Variants in TRAF2 observed in about 807,000 individuals in gnomAD.
TRAF2 encodes TNF receptor-associated factor 2.
TRAF2 carries 6 observed loss-of-function variants against 55.6 expected under a neutral mutation model. The ratio of observed to expected loss-of-function variants is 0.11; its 90% CI spans 0.06 to 0.21. The LOEUF is 0.21. Ranked by LOEUF, TRAF2 falls within the 10% of genes least tolerant of loss-of-function variation. The pLI is 1.00. For missense variants in TRAF2, 561 were observed against 684.5 expected, an observed-to-expected ratio of 0.82 and a Z score of 2.01; for synonymous variants, 329 against 276.3, an observed-to-expected ratio of 1.19 and a Z score of -1.89.
chr9:136,890,621 G>A (rs1849562746), intron 1 of TRAF2: 1 of 152,204 alleles, frequency 6.6e-6, no homozygotes, highest in Admixed American at 6.5e-5. Flanking sequence ...CTAAAATCTT[G>A]GTGTAGCACT....
Position 136,925,727 on chromosome 9 carries a change from T to C in TRAF2, c.1332T>C (p.Ile444=). The C allele has an allele frequency of 3.1e-6, 5 of 1,614,228 alleles. No individual in the cohort carries two copies. The highest frequency in any genetic ancestry group is 4.2e-6 in the Non-Finnish European group (5 of 1,180,038). ...ACCAGAATAACCGGGAGCACGTGAT[T>C]GACGCCTTCAGGCCCGACGTGACTT... ...LLDQNNREHV[I]DAFRPDVTSS... Residue 444 remains isoleucine (I), a synonymous_variant, in exon 11 of 11, where the codon ATT becomes ATC. Transcript: ENST00000247668.
In TRAF2 at chr9:136,923,755, G is replaced by A. The variant is rs1850455299; in HGVS notation, c.1139-97G>A. ...CCCAGAACCTGAATGTTTCTTTGTA[G>A]GTGTTTTTGTCCCTGGGGGAGGGCA... On this transcript the variant is annotated intron_variant, in intron 9 of 10. Coordinates refer to ENST00000247668, the MANE Select transcript of TRAF2 (RefSeq NM_021138.4). The A allele has an allele frequency of 3.1e-6, 4 of 1,287,020 alleles. No homozygotes were observed. In the Admixed American group the frequency reaches 6.4e-5, roughly 21 times the overall value. The allele number at this position is 1,287,020 out of a possible 1,614,324, so 79.7% of individuals were successfully genotyped here.
At chr9:136,900,357 G>A (rs1849789194) in intron 3 of TRAF2, 65 bp from the exon 4 acceptor site, 16 of 1,205,108 alleles carry the variant, frequency 1.3e-5, no homozygotes, top group Admixed American at 2.3e-5. Flanking sequence ...CGTGTGGTCT[G>A]TGTTCCTTGG....
intron 5 of TRAF2, among the ~76,000 whole-genome samples, chr9:136,908,827 G>GC (rs1478550630): frequency 8.7e-5 from 12 of 137,184 alleles, no homozygotes; most frequent in African/African-American, 3.1e-4. Context: ...CCGAGATTGC[G>GC]CCACTGCACT....
rs868351844 is a variant in TRAF2, at chr9:136,918,270, A to T, written c.678+1655A>T. Among the ~76,000 whole-genome samples, 357 of 118,998 alleles carry T rather than the reference A, an allele frequency of 3.0e-3. 4 individuals are homozygous for T. Among genetic ancestry groups the T allele is most frequent in the African/African-American group, 0.012 (345 of 29,150 alleles). The allele number at this position is 118,998 out of a possible 152,430, so 78.1% of individuals were successfully genotyped here. On this transcript the variant is annotated intron_variant, in intron 7 of 10. Coordinates refer to ENST00000247668, the MANE Select transcript of TRAF2 (RefSeq NM_021138.4). ...ATATATATATATATTTATTTAATTA[A>T]TTAATTTATTTATTTTTGAGGTTGA...
chr9:136,882,880 C>A, upstream of TRAF2: 1 of 355,396 alleles, frequency 2.8e-6, no homozygotes, highest in Non-Finnish European at 3.9e-6. Context: ...TCATCACAAT[C>A]AATATTATTA....
rs554188139 is a variant in TRAF2, at chr9:136,926,343, G to C, written c.*442G>C. 2.9e-6 allele frequency: 1 copy of C among 348,134 alleles called. No individual in the cohort carries two copies. The highest frequency in any genetic ancestry group is 2.1e-5 in the African/African-American group (1 of 46,776). The allele number at this position is 348,134 out of a possible 1,614,324, so 21.6% of individuals were successfully genotyped here. On this transcript the variant is annotated 3_prime_UTR_variant, in exon 11 of 11. Coordinates refer to ENST00000247668, the MANE Select transcript of TRAF2 (RefSeq NM_021138.4). ...GGCTGCTCCAGGAGAAGGGCCTCCT[G>C]CTGGCCAGAGCAAGGAAGGCTGAGC...
intron 1 of TRAF2, among the ~76,000 whole-genome samples, chr9:136,887,255 A>G (rs1177350646): frequency 2.0e-5 from 3 of 152,216 alleles, no homozygotes; most frequent in African/African-American, 4.8e-5. Flanking sequence ...TGTTTGTGGA[A>G]GGTAGAGCCG....
At chr9:136,916,362 T>TGC (rs1244605518) in intron 6 of TRAF2, among the ~76,000 whole-genome samples, 179 bp from the exon 7 acceptor site, 1 of 152,108 alleles carries the variant, frequency 6.6e-6, no homozygotes, top group East Asian at 1.9e-4. Context: ...CACGTGTGTG[T>TGC]GCACAGGTGT....
chr9:136,922,853 A>G, intron 9 of TRAF2, among the ~76,000 whole-genome samples: 1 of 117,968 alleles, frequency 8.5e-6, no homozygotes. Flanking sequence ...GAGGACGAGG[A>G]TGGGGAGGAT....
intron 5 of TRAF2, 64 bp downstream of exon 5, chr9:136,908,295 G>T: frequency 6.8e-7 from 1 of 1,466,760 alleles, no homozygotes; most frequent in East Asian, 2.5e-5. Context: ...GGGGAGCTGC[G>T]TGCTGGCCAC....
intron 9 of TRAF2, among the ~76,000 whole-genome samples, chr9:136,921,956 G>T (rs972728245): frequency 6.6e-6 from 1 of 152,236 alleles, no homozygotes; most frequent in Non-Finnish European, 1.5e-5. Context: ...CCATGGCTCA[G>T]AACACGCCCT....
upstream of TRAF2, among the ~76,000 whole-genome samples, chr9:136,882,364 A>T (rs1355005213): frequency 2.0e-5 from 3 of 152,172 alleles, no homozygotes; most frequent in African/African-American, 7.2e-5. Flanking sequence ...CCCAGTAGGT[A>T]GCTGTGGGGT....
At chr9:136,902,522 C>T (rs1328904316) in intron 4 of TRAF2, 1 of 152,282 alleles carries the variant, frequency 6.6e-6, no homozygotes, top group Non-Finnish European at 1.5e-5. Flanking sequence ...GGACTATAGC[C>T]AGCCCCTGGC....
chr9:136,899,308 G>A (rs373790126), intron 2 of TRAF2, among the ~76,000 whole-genome samples: 3 of 152,176 alleles, frequency 2.0e-5, no homozygotes, highest in Non-Finnish European at 2.9e-5. Context: ...TGTGCACATC[G>A]GCAGCAGCTC....
Position 136,898,761 on chromosome 9 carries a change from C to A in TRAF2, c.21C>A (p.Thr7=). Residue 7 remains threonine, a synonymous_variant, in exon 2 of 11, where the codon ACC becomes ACA. Transcript: ENST00000247668. MAAASV[T]PPGSLELLQP... is the part of the protein sequence containing the mutation. Reference sequence around the variant, plus strand: ...CTCTCATGGCTGCAGCTAGCGTGACCCCCCCTGGCTCCCTGGAGTTGCTAC... The same window carrying A: ...CTCTCATGGCTGCAGCTAGCGTGACACCCCCTGGCTCCCTGGAGTTGCTAC... 6.2e-7 allele frequency: 1 copy of A among 1,613,578 alleles called. No individual in the cohort carries two copies. The highest frequency in any genetic ancestry group is 8.5e-7 in the Non-Finnish European group (1 of 1,180,022).
At chr9:136,903,855 T>C (rs1849882657) in intron 4 of TRAF2, among the ~76,000 whole-genome samples, 1 of 152,118 alleles carries the variant, frequency 6.6e-6, no homozygotes, top group Admixed American at 6.5e-5. Context: ...CTAATTTTTT[T>C]GTATTTTTAG....
intron 7 of TRAF2, 176 bp downstream of exon 7, chr9:136,916,791 CT>C: frequency 3.1e-6 from 2 of 634,984 alleles, no homozygotes; most frequent in Admixed American, 4.6e-5. Context: ...GCTGGCAGCC[CT>C]GTCCACTCCC....
At chr9:136,897,825 C>T (rs1401764177) in intron 1 of TRAF2, among the ~76,000 whole-genome samples, 3 of 126,726 alleles carry the variant, frequency 2.4e-5, no homozygotes, top group Non-Finnish European at 3.3e-5. Context: ...TGGAGGGGAA[C>T]CCGTGGTAGC....
Sources: gnomAD v4.1 joint callset for allele counts (sites outside exome capture counted in the v4.1 genomes callset) on GRCh38, gnomAD v4.1.1 for gene constraint, MANE v1.5 for transcripts, NCBI Gene and HGNC (gene_info 2026-07-23, HGNC 2026-07-21) for gene names.